Variants in HDAC6 observed in about 807,000 individuals in gnomAD.
The protein encoded by HDAC6 is histone deacetylase 6.
Under a neutral mutation model 88.9 loss-of-function variants are expected in HDAC6, and 5 were observed. The ratio of observed to expected loss-of-function variants is 0.06; its 90% CI spans 0.03 to 0.12. The LOEUF is 0.12. HDAC6 is among the 10% of genes least tolerant of loss of function. HDAC6 has a pLI of 1.00. For missense variants in HDAC6, 706 were observed against 1,014.4 expected (o/e 0.70, Z 4.13); for synonymous variants, 378 against 398.0 (o/e 0.95, Z 0.60).
At chrX:48,820,063 C>T (rs2063056903) in intron 22 of HDAC6, 43 bp from the exon 23 acceptor site, 2 of 1,192,014 alleles carry the variant, frequency 1.7e-6, no homozygotes, top group Admixed American at 2.2e-5. Flanking sequence ...CTACCAAAAG[C>T]CCCTACCCTC....
At position 48,824,151 on chromosome X, in the gene HDAC6, C is replaced by A. The variant is rs2063129659; in HGVS notation, c.3451-15C>A. On this transcript the variant is annotated splice_polypyrimidine_tract_variant and intron_variant, in intron 27 of 28. Transcript: ENST00000334136. The stretch of plus-strand genomic sequence containing the variant: ...GATGCTGACCCCCACCTGACACTCA[C>A]ACCCCCAACCTCAGGTCTACTGTGG... The A allele has an allele frequency of 2.5e-6, 3 of 1,207,522 alleles. No homozygotes were observed. The highest frequency in any genetic ancestry group is 3.4e-6 in the Non-Finnish European group (3 of 892,991).
intron 14 of HDAC6, 86 bp from the exon 15 acceptor site, chrX:48,815,298 A>G (rs1361070891): frequency 1.5e-6 from 1 of 675,666 alleles, no homozygotes; most frequent in Non-Finnish European, 2.3e-6. Context: ...GACATGTGGT[A>G]TGCACTCTCT....
chrX:48,824,003 G>A lies in HDAC6; in HGVS notation c.3385G>A (p.Val1129Met), dbSNP rs1196486394. The A allele has an allele frequency of 2.1e-5, 25 of 1,209,737 alleles. No individual in the cohort carries two copies. The highest frequency in any genetic ancestry group is 1.2e-4 in the South Asian group (7 of 56,832). ...CCCCATACCTGCAGCAGGCCTAGAC[G>A]TGACCCAACCTTGTGGGGACTGTGG... ...VCPIPAAGLD[V>M]TQPCGDCGTI... The change falls in exon 27 of 29, where the codon GTG (valine) becomes ATG (methionine). Residue 1129 changes from valine (V) to methionine (M), a missense_variant. Val to Met is a conservative substitution (Grantham distance 21). This residue lies in a region of HDAC6 where 112 missense variants were observed against 95.1 expected (regional missense o/e 1.18). Coordinates refer to ENST00000334136, the MANE Select transcript of HDAC6 (RefSeq NM_006044.4).
rs1253494848 is a variant in HDAC6 at position 48,807,338 on chromosome X, T to TA, written c.632+639dup. On this transcript the variant is annotated intron_variant, in intron 8 of 28. Coordinates refer to ENST00000334136, the MANE Select transcript of HDAC6 (RefSeq NM_006044.4). ...GGTTCTCCCCAGTCATTTGCTGTTT[T>TA]AAAAAAATGCTACAGCAAATATGCT... is the stretch of plus-strand genomic sequence containing the variant. 2.7e-5 allele frequency among the ~76,000 whole-genome samples: 3 copies of TA among 112,439 alleles called. No individual in the cohort carries two copies. In the East Asian group the frequency reaches 8.3e-4, roughly 31 times the overall value.
chrX:48,819,814 A>C (rs1377013236), intron 22 of HDAC6: 1 of 392,628 alleles, frequency 2.5e-6, no homozygotes, highest in East Asian at 5.2e-5. Flanking sequence ...TGCTGGGATT[A>C]CAGGCCTGAG....
At chrX:48,817,117 C>G in intron 19 of HDAC6, 1 of 335,582 alleles carries the variant, frequency 3.0e-6, no homozygotes, top group East Asian at 5.1e-5. Flanking sequence ...CCGGGCGTGG[C>G]AGCAAGCGCC....
In HDAC6 at chrX:48,823,177, G is replaced by A. The variant is rs1557030749; in HGVS notation, c.2778G>A (p.Glu926=). 1.5e-5 allele frequency: 18 copies of A among 1,207,010 alleles called. No individual in the cohort carries two copies. In the East Asian group the frequency reaches 4.7e-4, roughly 32 times the overall value. The part of the protein sequence containing the change: ...GGATLAQTIS[E]AAIGGAMLGQ... ...CCACTCTGGCCCAGACCATTTCTGAGGCAGCCATTGGGGGAGCCATGCTGG... is the reference window on the plus strand; with the variant it reads ...CCACTCTGGCCCAGACCATTTCTGAAGCAGCCATTGGGGGAGCCATGCTGG... The change falls in exon 25 of 29, where the codon GAG becomes GAA. Residue 926 remains glutamate, a synonymous_variant. Coordinates refer to ENST00000334136, the MANE Select transcript of HDAC6 (RefSeq NM_006044.4).
Position 48,818,209 on chromosome X carries a change from C to A in HDAC6, c.1995-11C>A. 1 of 1,179,106 alleles carries A rather than the reference C, an allele frequency of 8.5e-7. No homozygotes were observed. The highest frequency in any genetic ancestry group is 1.1e-6 in the Non-Finnish European group (1 of 877,975). On this transcript the variant is annotated splice_polypyrimidine_tract_variant and intron_variant, in intron 21 of 28. Transcript: ENST00000334136. The stretch of plus-strand genomic sequence containing the variant: ...CCAGCCATGGTCCGCTTCCCACCCC[C>A]TCCCTGGCAGTGTGCTATATGTGTC...
Position 48,815,325 on chromosome X carries a change from A to G in HDAC6, c.1150-59A>G, listed in dbSNP as rs781920475. ...GCACTCTCTTATTATCATCATTATT[A>G]TTATTCCCTGGTCATGTCTGGTCCT... On this transcript the variant is annotated intron_variant, in intron 14 of 28. Coordinates refer to ENST00000334136, the MANE Select transcript of HDAC6 (RefSeq NM_006044.4). 7 of 828,800 alleles carry G rather than the reference A, an allele frequency of 8.4e-6. No homozygotes were observed. The South Asian group carries it at 1.5e-4, about 18-fold the overall frequency. The allele number at this position is 828,800 out of a possible 1,213,427, so 68.3% of individuals were successfully genotyped here.
rs1401160155 is a variant in HDAC6, at chrX:48,816,449, C to T, written c.1623-16C>T. 8.4e-7 allele frequency: 1 copy of T among 1,191,656 alleles called. No individual in the cohort carries two copies. Among genetic ancestry groups the T allele is most frequent in the Admixed American group, 2.3e-5 (1 of 43,697 alleles). ...CCTCCTCACTGTCCTGCGGGTGCTC[C>T]TCTCTGTGCTTCCAGTGCTGAGTAC... On this transcript the variant is annotated splice_polypyrimidine_tract_variant and intron_variant, in intron 18 of 28. Coordinates refer to ENST00000334136, the MANE Select transcript of HDAC6 (RefSeq NM_006044.4).
chrX:48,820,037 C>T (rs782236164), intron 22 of HDAC6, 69 bp from the exon 23 acceptor site: 29 of 1,042,307 alleles, frequency 2.8e-5, no homozygotes, highest in Admixed American at 4.4e-5. Context: ...GTCTCTGGGT[C>T]GCCATCACTT....
At chrX:48,810,591 ATTATTTAT>A (rs782322706) in intron 10 of HDAC6, 1 of 107,841 alleles carries the variant, frequency 9.3e-6, no homozygotes, top group East Asian at 2.8e-4. Flanking sequence ...TCTCTTTTTT[ATTATTTAT>A]TTATTTATTT....
Position 48,814,849 on chromosome X carries a change from G to A in HDAC6, c.1015G>A (p.Val339Ile), listed in dbSNP as rs1557026940. ...CCCCCTTCAGTTCCAGCCTCAGCTG[G>A]TCCTGGTGGCTGCTGGATTTGATGC... ...PVALEFQPQL[V>I]LVAAGFDALQ... The change falls in exon 13 of 29, where the codon GTC becomes ATC. Residue 339 changes from valine (V) to isoleucine (I), a missense_variant. Around this residue, in one of 9 missense-constraint regions of HDAC6, gnomAD observed 10 missense variants for 36.4 expected, o/e 0.27. Coordinates refer to ENST00000334136, the MANE Select transcript of HDAC6 (RefSeq NM_006044.4). 8 of 1,211,918 alleles carry A rather than the reference G, an allele frequency of 6.6e-6. No homozygotes were observed. Among genetic ancestry groups the A allele is most frequent in the Non-Finnish European group, 7.8e-6 (7 of 895,473 alleles).
At chrX:48,818,493 G>A in intron 22 of HDAC6, 81 bp downstream of exon 22, 1 of 811,083 alleles carries the variant, frequency 1.2e-6, no homozygotes, top group Non-Finnish European at 1.7e-6. Context: ...TGGCATGTGT[G>A]TGTGTGACTA....
rs375716236 is a variant in HDAC6, at chrX:48,822,971, C to G, written c.2572C>G (p.Pro858Ala). 12 of 1,205,865 alleles carry G rather than the reference C, an allele frequency of 1.0e-5. No homozygotes were observed. Among genetic ancestry groups the G allele is most frequent in the African/African-American group, 3.5e-5 (2 of 57,039 alleles). ...GTTGGTCACCAAGAAGGCACCCCAACCAGCCAAACCTAGGTTAGCTGAGCG... is the reference window on the plus strand; with the variant it reads ...GTTGGTCACCAAGAAGGCACCCCAAGCAGCCAAACCTAGGTTAGCTGAGCG... ...SKLVTKKAPQ[P>A]AKPRLAERMT... Residue 858 changes from proline to alanine, a missense_variant, in exon 25 of 29, where the codon CCA becomes GCA. Transcript: ENST00000334136.
rs782404827 is a variant in HDAC6, at chrX:48,820,934, T to C, written c.2337+679T>C. ...CTCACTGCAGCCTCCACCTCCCGGC[T>C]TCAAGTGATCCTCCCACCTCAGCCT... On this transcript the variant is annotated intron_variant, in intron 23 of 28. Coordinates refer to ENST00000334136, the MANE Select transcript of HDAC6 (RefSeq NM_006044.4). Among the ~76,000 whole-genome samples, 257 of 111,034 alleles carry C rather than the reference T, an allele frequency of 2.3e-3. 1 individual carries two copies. The highest frequency in any genetic ancestry group is 7.0e-3 in the Admixed American group (73 of 10,394).
rs2147396606 is a variant in HDAC6 at position 48,824,650 on chromosome X, A to G, written c.*38A>G. 8.3e-7 allele frequency: 1 copy of G among 1,198,661 alleles called. No homozygotes were observed. The highest frequency in any genetic ancestry group is 3.0e-5 in the East Asian group (1 of 33,540). ...GGTCCCTCTTCACCTTCTGAGGCCC[A>G]CGATAGACCAGCTGTAGCTCATTCC... On this transcript the variant is annotated 3_prime_UTR_variant, in exon 29 of 29. Coordinates refer to ENST00000334136, the MANE Select transcript of HDAC6 (RefSeq NM_006044.4).
rs2063142613 is a variant in HDAC6 at position 48,824,942 on chromosome X, G to A, written c.*330G>A. The A allele has an allele frequency of 9.6e-7, 1 of 1,045,240 alleles. No homozygotes were observed. The highest frequency in any genetic ancestry group is 1.2e-6 in the Non-Finnish European group (1 of 803,560). The allele number at this position is 1,045,240 out of a possible 1,213,427, so 86.1% of individuals were successfully genotyped here. A position where few individuals can be genotyped will look rare whatever the true frequency, so the allele number is the denominator to read the frequency against. On this transcript the variant is annotated 3_prime_UTR_variant, in exon 29 of 29. Coordinates refer to ENST00000334136, the MANE Select transcript of HDAC6 (RefSeq NM_006044.4). Reference sequence around the variant, plus strand: ...GGAGTTAACTGGCAGGCATGGCAAGGTTGCATATGTAATAAAGTACAAGCT... The same window carrying A: ...GGAGTTAACTGGCAGGCATGGCAAGATTGCATATGTAATAAAGTACAAGCT...
chrX:48,823,784 A>C lies in HDAC6; in HGVS notation c.3302A>C (p.Gln1101Pro). The C allele has an allele frequency of 2.5e-6, 3 of 1,197,160 alleles. No individual in the cohort carries two copies. Among genetic ancestry groups the C allele is most frequent in the Non-Finnish European group, 3.4e-6 (3 of 882,664 alleles). Residue 1101 changes from glutamine to proline, a missense_variant and splice_region_variant, in exon 26 of 29, where the codon CAG (glutamine) becomes CCG (proline). Gln to Pro is a moderately conservative substitution (Grantham distance 76). Transcript: ENST00000334136. ...LMQGSRGLTD[Q>P]AIFYAVTPLP... The stretch of plus-strand genomic sequence containing the variant: ...CAGGGATCTAGGGGCCTCACTGATC[A>C]GGTGAGCTCAGGGAGAGGCTGGGAC...
Sources: gnomAD v4.1 joint callset for allele counts (sites outside exome capture counted in the v4.1 genomes callset) on GRCh38, gnomAD v4.1.1 for gene constraint, gnomAD v4.1.1 regional missense constraint, MANE v1.5 for transcripts, NCBI Gene and HGNC (gene_info 2026-07-23, HGNC 2026-07-21) for gene names.